Variants in BBS2 observed in about 807,000 individuals in gnomAD.
BBS2 encodes the protein Bardet-Biedl syndrome 2, also known as BBSome complex member BBS2.
A neutral mutation model predicts 83.0 loss-of-function variants in BBS2; 62 were observed. That is an observed-to-expected ratio of 0.75 (90% CI 0.61 to 0.92). The LOEUF (loss-of-function observed/expected upper bound fraction) is 0.92, where lower values mean the gene tolerates loss of function less well. Among genes scored for constraint, BBS2 ranks in the 40% least tolerant of loss-of-function variants. The pLI is 0.00. For missense variants in BBS2, 784 were observed against 901.0 expected (o/e 0.87, Z 1.66); for synonymous variants, 303 against 326.1 (o/e 0.93, Z 0.76).
intron 15 of BBS2, among the ~76,000 whole-genome samples, chr16:56,492,714 G>A (rs1488247578): frequency 2.0e-5 from 3 of 152,144 alleles, no homozygotes; most frequent in African/African-American, 7.2e-5. Context: ...CTCATCCCCT[G>A]GAGTATGCCC....
At chr16:56,511,772 C>T (rs1255186269) in intron 2 of BBS2, among the ~76,000 whole-genome samples, 1 of 152,180 alleles carries the variant, frequency 6.6e-6, no homozygotes, top group Non-Finnish European at 1.5e-5. Flanking sequence ...AACTCGATTT[C>T]ACTTCTGAAC....
In BBS2 at chr16:56,506,149, C is replaced by T; in HGVS notation, c.688G>A (p.Asp230Asn). Residue 230 changes from aspartate (D) to asparagine (N), a missense_variant, in exon 6 of 17, where the codon GAC becomes AAC. Physicochemically the swap from Asp to Asn is conservative, Grantham distance 23. Coordinates refer to ENST00000245157, the MANE Select transcript of BBS2 (RefSeq NM_031885.5). ...ATTCTCCAGTATCGGGATGTTTTGT[C>T]ATAAACTCCAACTGTGCCATTGGAA... is the stretch of plus-strand genomic sequence containing the variant. ...ALSNGTVGVY[D>N]KTSRYWRIKS... 6.2e-7 allele frequency: 1 copy of T among 1,613,904 alleles called. No homozygotes were observed. The highest frequency in any genetic ancestry group is 8.5e-7 in the Non-Finnish European group (1 of 1,179,872).
chr16:56,505,465 A>G (rs574252330), intron 7 of BBS2, among the ~76,000 whole-genome samples: 1 of 152,338 alleles, frequency 6.6e-6, no homozygotes, highest in East Asian at 1.9e-4. Flanking sequence ...TTGCCAAAAG[A>G]CTGTAAAAAA....
chr16:56,493,087 T>A (rs1964006132), intron 15 of BBS2, among the ~76,000 whole-genome samples: 1 of 151,954 alleles, frequency 6.6e-6, no homozygotes, highest in African/African-American at 2.4e-5. Context: ...ATATTTTAAA[T>A]GTAAAAAGCA....
At chr16:56,511,068 ATAT>A (rs1363731684) in intron 3 of BBS2, 88 bp downstream of exon 3, 3 of 1,582,384 alleles carry the variant, frequency 1.9e-6, no homozygotes, top group South Asian at 2.2e-5. Flanking sequence ...AGAATTATAA[ATAT>A]TATTACTCAG....
At chr16:56,495,245 T>C (rs1207823449) in intron 15 of BBS2, among the ~76,000 whole-genome samples, 3 of 152,146 alleles carry the variant, frequency 2.0e-5, no homozygotes, top group Non-Finnish European at 2.9e-5. Flanking sequence ...AGAATTAGAA[T>C]ATCACTATTT....
chr16:56,502,307 C>G lies in BBS2; in HGVS notation c.1080+10G>C, dbSNP rs2144148576. 6.2e-7 allele frequency: 1 copy of G among 1,614,186 alleles called. No individual in the cohort carries two copies. Reference sequence around the variant, plus strand: ...CTCCATTACCTGGTCACATTAGGACCTACACCTACCTTGGCATTTTCCTCA... The same window carrying G: ...CTCCATTACCTGGTCACATTAGGACGTACACCTACCTTGGCATTTTCCTCA... On this transcript the variant is annotated intron_variant, in intron 9 of 16. Coordinates refer to ENST00000245157, the MANE Select transcript of BBS2 (RefSeq NM_031885.5).
At chr16:56,497,945 T>C (rs1184794752) in intron 13 of BBS2, 65 bp from the exon 14 acceptor site, 14 of 1,544,156 alleles carry the variant, frequency 9.1e-6, no homozygotes, top group Non-Finnish European at 1.2e-5. Context: ...GCTAAAATAG[T>C]ACCTGAATTT....
intron 15 of BBS2, 97 bp from the exon 16 acceptor site, chr16:56,485,835 AT>A: frequency 1.8e-6 from 2 of 1,097,328 alleles, no homozygotes; most frequent in Non-Finnish European, 2.8e-6. Context: ...AAAAGACACC[AT>A]TTTTAAGCTA....
At chr16:56,507,172 G>GA (rs1433049792) in intron 5 of BBS2, among the ~76,000 whole-genome samples, 1 of 152,162 alleles carries the variant, frequency 6.6e-6, no homozygotes, top group Non-Finnish European at 1.5e-5. Flanking sequence ...GCTGATCTGG[G>GA]AAATGATATT....
At chr16:56,518,964 C>CATGG (rs1964832283) in intron 1 of BBS2, among the ~76,000 whole-genome samples, 1 of 152,174 alleles carries the variant, frequency 6.6e-6, no homozygotes, top group Non-Finnish European at 1.5e-5. Flanking sequence ...ACTGAATGTA[C>CATGG]ATGGGCAAGG....
At chr16:56,511,457 C>T (rs1455024640) in intron 2 of BBS2, among the ~76,000 whole-genome samples, 173 bp from the exon 3 acceptor site, 2 of 152,168 alleles carry the variant, frequency 1.3e-5, no homozygotes, top group Non-Finnish European at 2.9e-5. Context: ...TAATAATCTA[C>T]TTTACTATTA....
At chr16:56,499,928 A>C in intron 11 of BBS2, 21 bp from the exon 12 acceptor site, 1 of 1,613,734 alleles carries the variant, frequency 6.2e-7, no homozygotes, top group South Asian at 1.1e-5. Context: ...TCAATGAAAC[A>C]CAAGAGAATT....
At chr16:56,476,045 T>A (rs754508032) in intron 17 of BBS2, 3 of 1,608,180 alleles carry the variant, frequency 1.9e-6, no homozygotes, top group Admixed American at 3.4e-5. Context: ...CTTTTTCAGC[T>A]GCTAACAGTG....
At chr16:56,518,965 A>G (rs1198420031) in intron 1 of BBS2, among the ~76,000 whole-genome samples, 1 of 152,244 alleles carries the variant, frequency 6.6e-6, no homozygotes, top group African/African-American at 2.4e-5. Flanking sequence ...CTGAATGTAC[A>G]TGGGCAAGGA....
intron 7 of BBS2, among the ~76,000 whole-genome samples, chr16:56,504,430 C>T (rs1413874852): frequency 1.3e-5 from 2 of 152,180 alleles, no homozygotes; most frequent in Non-Finnish European, 2.9e-5. Flanking sequence ...GGAGGTTTTA[C>T]CCTGAAAGGA....
chr16:56,473,902 G>T (rs193139073), intron 17 of BBS2, among the ~76,000 whole-genome samples: 1 of 151,910 alleles, frequency 6.6e-6, no homozygotes, highest in Non-Finnish European at 1.5e-5. Flanking sequence ...TGCCTCCCAG[G>T]TTCAAGCGAT....
intron 1 of BBS2, among the ~76,000 whole-genome samples, chr16:56,518,668 CTGTTA>C (rs1329649966): frequency 3.0e-5 from 3 of 101,652 alleles, no homozygotes; most frequent in African/African-American, 6.4e-5. Context: ...AGTTTTGTGC[CTGTTA>C]TAAGTTATTA....
chr16:56,497,951 A>C (rs779432912), intron 13 of BBS2, 71 bp from the exon 14 acceptor site: 173 of 1,520,348 alleles, frequency 1.1e-4, no homozygotes, highest in Non-Finnish European at 1.4e-4. Context: ...ATAGTACCTG[A>C]ATTTCCCCAT....
Sources: allele counts gnomAD v4.1 joint callset (sites outside exome capture counted in the v4.1 genomes callset), GRCh38; gene constraint gnomAD v4.1.1; transcripts MANE v1.5; gene names NCBI Gene and HGNC (gene_info 2026-07-23, HGNC 2026-07-21).